EPHA6: variants seen among roughly 807,000 people sequenced by gnomAD.
The protein encoded by EPHA6 is ephrin type-A receptor 6.
Under a neutral mutation model 112.0 loss-of-function variants are expected in EPHA6, and 50 were observed. The observed-to-expected ratio is 0.45, with a 90% CI of 0.36 to 0.56. EPHA6 has a LOEUF of 0.56. Ranked by LOEUF, EPHA6 falls within the 20% of genes least tolerant of loss-of-function variation. The probability of loss-of-function intolerance (pLI) is 0.00; values close to 1 mark genes in which losing one functional copy is unlikely to be tolerated. For synonymous variants in EPHA6, 529 were observed against 490.7 expected, an observed-to-expected ratio of 1.08 and a Z score of -1.03; for missense variants, 1,280 against 1,417.4, an observed-to-expected ratio of 0.90 and a Z score of 1.56.
At chr3:96,845,553 T>C (rs2035022624) in intron 1 of EPHA6, among the ~76,000 whole-genome samples, 1 of 152,046 alleles carries the variant, frequency 6.6e-6, no homozygotes. Context: ...CTTAGTTCCT[T>C]GTTTGTTCTG....
At position 97,610,860 on chromosome 3, in the gene EPHA6, G is replaced by A. The variant is rs1454219816; in HGVS notation, c.2574+6G>A. 2 of 1,605,692 alleles carry A rather than the reference G, an allele frequency of 1.2e-6. No individual in the cohort carries two copies. The highest frequency in any genetic ancestry group is 8.5e-7 in the Non-Finnish European group (1 of 1,173,500). ...CCCTAGACTCCTTTTTGCGGGTGAG[G>A]TGTTCTTTTCTGATGGCATTTAAAT... On this transcript the variant is annotated splice_donor_region_variant and intron_variant, in intron 13 of 17. Coordinates refer to ENST00000389672, the MANE Select transcript of EPHA6 (RefSeq NM_001080448.3).
At chr3:97,617,400 A>G (rs1194242637) in intron 13 of EPHA6, among the ~76,000 whole-genome samples, 1 of 152,172 alleles carries the variant, frequency 6.6e-6, no homozygotes, top group African/African-American at 2.4e-5. Context: ...TAGCATCACG[A>G]TGTCAGGATC....
intron 5 of EPHA6, among the ~76,000 whole-genome samples, chr3:97,389,668 G>T (rs900648582): frequency 3.3e-5 from 5 of 152,096 alleles, no homozygotes; most frequent in Non-Finnish European, 7.4e-5. Context: ...TAAAATGAAA[G>T]ATTATATAGC....
At chr3:97,295,293 A>G (rs2080834962) in intron 5 of EPHA6, among the ~76,000 whole-genome samples, 1 of 151,964 alleles carries the variant, frequency 6.6e-6, no homozygotes, top group Admixed American at 6.6e-5. Context: ...TTTGTCTGAC[A>G]TAGTAATTTC....
chr3:97,439,994 A>G (rs2090052476), intron 6 of EPHA6, among the ~76,000 whole-genome samples: 1 of 152,140 alleles, frequency 6.6e-6, no homozygotes, highest in Admixed American at 6.6e-5. Context: ...TGACATTACT[A>G]AATACTGACT....
At chr3:97,091,480 T>C (rs1409534961) in intron 3 of EPHA6, among the ~76,000 whole-genome samples, 1 of 152,146 alleles carries the variant, frequency 6.6e-6, no homozygotes, top group Non-Finnish European at 1.5e-5. Flanking sequence ...GTAAAGCTAT[T>C]TGTGGAGATT....
At chr3:97,093,189 G>A (rs1243664354) in intron 3 of EPHA6, among the ~76,000 whole-genome samples, 2 of 152,068 alleles carry the variant, frequency 1.3e-5, no homozygotes, top group Admixed American at 1.3e-4. Flanking sequence ...TGGATATCTA[G>A]CCATCTTATC....
Position 97,753,024 on chromosome 3 carries a change from A to C in EPHA6, c.*4323A>C, listed in dbSNP as rs1405767762. Among the ~76,000 whole-genome samples, 1 of 152,164 alleles carries C rather than the reference A, an allele frequency of 6.6e-6. No homozygotes were observed. Among genetic ancestry groups the C allele is most frequent in the Admixed American group, 6.5e-5 (1 of 15,274 alleles). ...AAGACTCCAAAAGGTAGAGGAGTAC[A>C]CTGGGTTAAATGGATGGTATTCTTC... On this transcript the variant is annotated 3_prime_UTR_variant, in exon 18 of 18. Coordinates refer to ENST00000389672, the MANE Select transcript of EPHA6 (RefSeq NM_001080448.3).
chr3:97,624,489 G>T (rs2093839403), intron 13 of EPHA6, among the ~76,000 whole-genome samples: 1 of 151,416 alleles, frequency 6.6e-6, no homozygotes, highest in Admixed American at 6.6e-5. Flanking sequence ...AATGGTTAAG[G>T]GATATTGGTC....
intron 7 of EPHA6, among the ~76,000 whole-genome samples, chr3:97,467,683 A>G (rs958706209): frequency 7.2e-5 from 11 of 151,762 alleles, no homozygotes; most frequent in Non-Finnish European, 1.5e-4. Flanking sequence ...CTCAAGACCT[A>G]TCTCAACTGC....
intron 13 of EPHA6, among the ~76,000 whole-genome samples, chr3:97,637,322 G>C (rs1371643171): frequency 2.0e-5 from 3 of 151,944 alleles, no homozygotes; most frequent in Non-Finnish European, 4.4e-5. Context: ...TTTTCTGTTT[G>C]CTTGTGCTTT....
chr3:97,649,077 G>A (rs76117164), intron 14 of EPHA6, among the ~76,000 whole-genome samples: 2,462 of 152,170 alleles, frequency 0.016, 58 homozygotes, highest in African/African-American at 0.056. Flanking sequence ...GAAACCAACC[G>A]TGTTAGTCTG....
At chr3:96,824,886 C>A (rs1004523635) in intron 1 of EPHA6, among the ~76,000 whole-genome samples, 1 of 151,876 alleles carries the variant, frequency 6.6e-6, no homozygotes, top group Non-Finnish European at 1.5e-5. Flanking sequence ...CCAGCTCCCC[C>A]GCCCCTGCCC....
rs757751727 is a variant in EPHA6 at position 96,814,685 on chromosome 3, C to G, written c.62C>G (p.Ser21Cys). The G allele has an allele frequency of 4.7e-6, 7 of 1,492,894 alleles. No individual in the cohort carries two copies. Among genetic ancestry groups the G allele is most frequent in the Non-Finnish European group, 5.4e-6 (6 of 1,120,846 alleles). 92.5% of individuals were successfully genotyped at this position (1,492,894 alleles called of 1,614,324 possible). Residue 21 changes from serine (S) to cysteine (C), a missense_variant, in exon 1 of 18, where the codon TCC (serine) becomes TGC (cysteine). Transcript: ENST00000389672. ...CCGGCGCCGCAGGCAGCGTCCTCCT[C>G]CGAAGCAGCTGCACCTGCAACTGGG... ...SSPAPQAASSSEAAAPATGQP... is the reference protein window; with the variant it reads ...SSPAPQAASSCEAAAPATGQP...
At chr3:97,046,160 G>C (rs1370009334) in intron 3 of EPHA6, among the ~76,000 whole-genome samples, 1 of 152,106 alleles carries the variant, frequency 6.6e-6, no homozygotes, top group Non-Finnish European at 1.5e-5. Flanking sequence ...TTTTATATTT[G>C]AACAAGGACA....
chr3:97,142,769 T>G (rs182825840), intron 3 of EPHA6, among the ~76,000 whole-genome samples: 1 of 151,912 alleles, frequency 6.6e-6, no homozygotes, highest in African/African-American at 2.4e-5. Flanking sequence ...AAGCATTCAA[T>G]AAAATTCAAA....
At chr3:97,707,535 A>G (rs1026175170) in intron 14 of EPHA6, among the ~76,000 whole-genome samples, 11 of 152,210 alleles carry the variant, frequency 7.2e-5, no homozygotes, top group Non-Finnish European at 1.5e-4. Flanking sequence ...AAAATACAGC[A>G]TATTGTGTTG....
chr3:97,158,016 A>G (rs1282049908), intron 3 of EPHA6, among the ~76,000 whole-genome samples: 1 of 152,084 alleles, frequency 6.6e-6, no homozygotes, highest in Non-Finnish European at 1.5e-5. Context: ...CCTAAACCAT[A>G]CTTCTCCAAA....
At chr3:97,096,989 A>T (rs1427290331) in intron 3 of EPHA6, among the ~76,000 whole-genome samples, 1 of 151,768 alleles carries the variant, frequency 6.6e-6, no homozygotes, top group Non-Finnish European at 1.5e-5. Flanking sequence ...GTTCGTAAAC[A>T]TTTATTTAAA....
Sources: allele counts gnomAD v4.1 joint callset (sites outside exome capture counted in the v4.1 genomes callset), GRCh38; gene constraint gnomAD v4.1.1; transcripts MANE v1.5; gene names NCBI Gene and HGNC (gene_info 2026-07-23, HGNC 2026-07-21).